URI1: variants seen among roughly 807,000 people sequenced by gnomAD.
The protein encoded by URI1 is URI1 prefoldin like chaperone.
In URI1, 39 loss-of-function variants were observed where a neutral mutation model predicts 60.2. That is an observed-to-expected ratio of 0.65 (90% CI 0.50 to 0.85). The LOEUF (loss-of-function observed/expected upper bound fraction) is 0.85. URI1 is among the 40% of genes least tolerant of loss of function. The pLI, the probability that URI1 is intolerant of heterozygous loss-of-function variation, is 0.00. For synonymous variants in URI1, 251 were observed against 236.8 expected, an observed-to-expected ratio of 1.06 and a Z score of -0.55; for missense variants, 691 against 665.9, an observed-to-expected ratio of 1.04 and a Z score of -0.42.
chr19:29,988,564 C>T (rs899814190), intron 4 of URI1, among the ~76,000 whole-genome samples: 1 of 152,252 alleles, frequency 6.6e-6, no homozygotes, highest in Non-Finnish European at 1.5e-5. Flanking sequence ...AGCTTCTTCA[C>T]TTGCTGTAAC....
At chr19:29,989,467 A>G (rs1030833927) in intron 4 of URI1, among the ~76,000 whole-genome samples, 1 of 151,764 alleles carries the variant, frequency 6.6e-6, no homozygotes, top group African/African-American at 2.4e-5. Flanking sequence ...TCTGTCGCCC[A>G]GGCTGGAGTG....
At chr19:29,984,110 A>C (rs751770187) in intron 2 of URI1, among the ~76,000 whole-genome samples, 1 of 152,172 alleles carries the variant, frequency 6.6e-6, no homozygotes, top group Non-Finnish European at 1.5e-5. Flanking sequence ...GCCAGTATCT[A>C]TTCACTCAAA....
intron 4 of URI1, among the ~76,000 whole-genome samples, chr19:29,992,386 T>C (rs1297217838): frequency 3.3e-5 from 5 of 152,336 alleles, no homozygotes; most frequent in East Asian, 1.9e-4. Context: ...GAGTTTCTTA[T>C]AGGCAGCATG....
rs1187965308 is a variant in URI1, at chr19:29,942,459, C to T, written c.-89C>T. 2 of 1,024,012 alleles carry T rather than the reference C, an allele frequency of 2.0e-6. No individual in the cohort carries two copies. The highest frequency in any genetic ancestry group is 1.7e-5 in the African/African-American group (1 of 57,882). 63.4% of individuals were successfully genotyped at this position (1,024,012 alleles called of 1,614,324 possible). Reference sequence around the variant, plus strand: ...GGGGCGCGCGGTGCCTGAGGGCGGGCGCGCGGGCGCTGGGCAACTGCCGGC... The same window carrying T: ...GGGGCGCGCGGTGCCTGAGGGCGGGTGCGCGGGCGCTGGGCAACTGCCGGC... On this transcript the variant is annotated 5_prime_UTR_variant, in exon 1 of 11. Coordinates refer to ENST00000392271, the MANE Select transcript of URI1 (RefSeq NM_003796.3).
intron 1 of URI1, 22 bp downstream of exon 1, chr19:29,942,686 C>T: frequency 2.2e-6 from 3 of 1,372,922 alleles, no homozygotes; most frequent in Non-Finnish European, 1.9e-6. Flanking sequence ...CCCCGCGCCG[C>T]TTCCGCCTCC....
In URI1 at chr19:29,954,878, A is replaced by G. The variant is rs577988418; in HGVS notation, c.117+12214A>G. On this transcript the variant is annotated intron_variant, in intron 1 of 10. Coordinates refer to ENST00000392271, the MANE Select transcript of URI1 (RefSeq NM_003796.3). ...TCCTCTGTTTCTTCTTCAAAAATAC[A>G]TGTGTTCACTTTATCTCCCCTCCAT... Among the ~76,000 whole-genome samples, 5 of 152,180 alleles carry G rather than the reference A, an allele frequency of 3.3e-5. No individual in the cohort carries two copies. The South Asian group carries it at 8.3e-4, about 25-fold the overall frequency.
intron 1 of URI1, among the ~76,000 whole-genome samples, chr19:29,949,117 C>A (rs1461809452): frequency 2.0e-5 from 3 of 150,570 alleles, no homozygotes; most frequent in African/African-American, 7.3e-5. Flanking sequence ...CCAGACGGGG[C>A]AGCTGCCGGG....
Position 30,014,964 on chromosome 19 carries a change from A to T in URI1, c.1503A>T (p.Ala501=). Residue 501 remains alanine (A), a synonymous_variant, in exon 11 of 11, where the codon GCA becomes GCT. Transcript: ENST00000392271. ...LTPPPAIAHP[A]LPTIPERKEV... is the part of the protein sequence containing the mutation. ...CACCCCCAGCCATTGCTCATCCCGC[A>T]CTACCCACTATTCCAGAACGAAAGG... is the stretch of plus-strand genomic sequence containing the variant. The T allele has an allele frequency of 6.2e-7, 1 of 1,613,884 alleles. No homozygotes were observed. The highest frequency in any genetic ancestry group is 8.5e-7 in the Non-Finnish European group (1 of 1,179,798).
intron 2 of URI1, among the ~76,000 whole-genome samples, chr19:29,982,987 C>T (rs1320915648): frequency 2.0e-5 from 3 of 152,186 alleles, no homozygotes; most frequent in Non-Finnish European, 2.9e-5. Context: ...TTGGGATTCA[C>T]TCTCTGGTCT....
At chr19:30,006,623 A>G (rs1398607791) in intron 6 of URI1, among the ~76,000 whole-genome samples, 1 of 152,130 alleles carries the variant, frequency 6.6e-6, no homozygotes, top group East Asian at 1.9e-4. Context: ...AGGCTGTGAA[A>G]CATAATTTGA....
At chr19:29,978,233 G>GT (rs1046650168) in intron 2 of URI1, among the ~76,000 whole-genome samples, 5 of 152,030 alleles carry the variant, frequency 3.3e-5, no homozygotes, top group Non-Finnish European at 7.4e-5. Flanking sequence ...TTATAGGAGA[G>GT]TTTTTTTCCC....
intron 1 of URI1, among the ~76,000 whole-genome samples, chr19:29,955,746 G>A (rs569663646): frequency 2.7e-5 from 4 of 148,276 alleles, no homozygotes; most frequent in East Asian, 2.0e-4. Flanking sequence ...ACCCACCACC[G>A]TGCCCAGCTA....
At chr19:29,927,202 T>C (rs959399598) in intron 1 of URI1, among the ~76,000 whole-genome samples, 4 of 151,728 alleles carry the variant, frequency 2.6e-5, no homozygotes, top group Non-Finnish European at 5.9e-5. Context: ...GGTCTTCACA[T>C]AGGATCACAA....
intron 1 of URI1, among the ~76,000 whole-genome samples, chr19:29,953,695 T>TC (rs1454791889): frequency 6.6e-6 from 1 of 151,490 alleles, no homozygotes; most frequent in African/African-American, 2.4e-5. Context: ...TTATTAGTTT[T>TC]TTTTTTTTAG....
In URI1 at chr19:29,944,140, C is replaced by CATATATATATAT. The variant is rs56329506; in HGVS notation, c.117+1518_117+1529dup. On this transcript the variant is annotated intron_variant, in intron 1 of 10. Transcript: ENST00000392271. ...GGCGACAGAGTGAGACCCTGTCATT[C>CATATATATATAT]ATATATATATATATATATATATATA... Among the ~76,000 whole-genome samples the CATATATATATAT allele has an allele frequency of 3.4e-3, 125 of 37,104 alleles. 5 individuals are homozygous for CATATATATATAT. The highest frequency in any genetic ancestry group is 6.4e-3 in the Non-Finnish European group (76 of 11,800). The allele number at this position is 37,104 out of a possible 152,430, so 24.3% of individuals were successfully genotyped here.
intron 6 of URI1, among the ~76,000 whole-genome samples, 173 bp downstream of exon 6, chr19:30,005,881 A>G (rs2055936110): frequency 6.6e-6 from 1 of 152,088 alleles, no homozygotes; most frequent in South Asian, 2.1e-4. Flanking sequence ...TGGATAAATA[A>G]CTTTTGGTTA....
At chr19:30,005,505 T>C in intron 5 of URI1, 53 bp downstream of exon 5, 1 of 1,499,774 alleles carries the variant, frequency 6.7e-7, no homozygotes, top group Non-Finnish European at 9.0e-7. Flanking sequence ...TTCAAAGAAA[T>C]ATGAAGCTAT....
intron 1 of URI1, among the ~76,000 whole-genome samples, chr19:29,944,141 A>T (rs1358391076): frequency 1.9e-4 from 1 of 5,270 alleles, no homozygotes; most frequent in African/African-American, 1.3e-3. Context: ...CCTGTCATTC[A>T]TATATATATA....
upstream of URI1, among the ~76,000 whole-genome samples, chr19:29,937,298 C>T (rs2145208676): frequency 6.6e-6 from 1 of 152,322 alleles, no homozygotes; most frequent in African/African-American, 2.4e-5. Context: ...TTTCCTTTAG[C>T]TCATTGGGTG....
Sources: gnomAD v4.1 joint callset for allele counts (sites outside exome capture counted in the v4.1 genomes callset) on GRCh38, gnomAD v4.1.1 for gene constraint, MANE v1.5 for transcripts, NCBI Gene and HGNC (gene_info 2026-07-23, HGNC 2026-07-21) for gene names.